The following EPHA3 variants were observed in gnomAD, a reference collection of about 807,000 sequenced individuals.
The protein encoded by EPHA3 is ephrin type-A receptor 3.
Under a neutral mutation model 107.1 loss-of-function variants are expected in EPHA3, and 42 were observed. That is an observed-to-expected ratio of 0.39 (90% CI 0.31 to 0.51). The LOEUF is 0.51. Ranked by LOEUF, EPHA3 falls within the 20% of genes least tolerant of loss-of-function variation. The pLI is 0.78. For missense variants in EPHA3, 1,183 were observed against 1,211.2 expected, an observed-to-expected ratio of 0.98 and a Z score of 0.35; for synonymous variants, 461 against 424.8, an observed-to-expected ratio of 1.09 and a Z score of -1.05.
At chr3:89,195,260 C>T (rs1348490075) in intron 2 of EPHA3, among the ~76,000 whole-genome samples, 2 of 152,062 alleles carry the variant, frequency 1.3e-5, no homozygotes, top group African/African-American at 4.8e-5. Context: ...GCTCTTTCTG[C>T]TCATAACGTT....
intron 3 of EPHA3, among the ~76,000 whole-genome samples, chr3:89,312,968 C>T (rs1215533440): frequency 6.6e-6 from 1 of 151,964 alleles, no homozygotes; most frequent in Non-Finnish European, 1.5e-5. Flanking sequence ...ACCACATCTT[C>T]TTTATCTGGT....
chr3:89,349,463 T>G (rs1239879199), intron 5 of EPHA3, among the ~76,000 whole-genome samples: 58 of 147,340 alleles, frequency 3.9e-4, no homozygotes, highest in African/African-American at 1.0e-3. Context: ...GTTTTCCATT[T>G]GCTTGGTAGA....
intron 3 of EPHA3, among the ~76,000 whole-genome samples, chr3:89,338,662 C>T (rs1248291824): frequency 6.6e-6 from 1 of 152,214 alleles, no homozygotes; most frequent in African/African-American, 2.4e-5. Context: ...CATTCTCCTG[C>T]CTCAGCCTCC....
At chr3:89,297,966 C>T (rs1270573548) in intron 3 of EPHA3, among the ~76,000 whole-genome samples, 1 of 151,988 alleles carries the variant, frequency 6.6e-6, no homozygotes, top group Non-Finnish European at 1.5e-5. Context: ...ACCTGGGAGG[C>T]GGAGGTTGCA....
At chr3:89,308,686 A>C (rs1706691020) in intron 3 of EPHA3, among the ~76,000 whole-genome samples, 1 of 152,064 alleles carries the variant, frequency 6.6e-6, no homozygotes, top group Admixed American at 6.6e-5. Context: ...AAACATTATA[A>C]ATCCTCACCT....
chr3:89,428,476 T>A (rs1284334170), intron 11 of EPHA3, among the ~76,000 whole-genome samples: 1 of 152,126 alleles, frequency 6.6e-6, no homozygotes, highest in Non-Finnish European at 1.5e-5. Context: ...TTACTGCCAA[T>A]AGCAATTTTA....
intron 2 of EPHA3, among the ~76,000 whole-genome samples, chr3:89,152,108 CAT>C (rs1168658511): frequency 2.6e-5 from 4 of 152,056 alleles, no homozygotes; most frequent in African/African-American, 9.7e-5. Context: ...TATTTGGACG[CAT>C]ATTTTAATTC....
intron 5 of EPHA3, among the ~76,000 whole-genome samples, chr3:89,392,310 G>A (rs569217233): frequency 8.6e-5 from 13 of 151,964 alleles, no homozygotes; most frequent in East Asian, 5.8e-4. Flanking sequence ...GTGGTGGCAC[G>A]CATCTGTAAT....
intron 2 of EPHA3, among the ~76,000 whole-genome samples, chr3:89,162,907 C>T (rs1243726508): frequency 6.6e-6 from 1 of 152,222 alleles, no homozygotes; most frequent in Non-Finnish European, 1.5e-5. Context: ...CTGCTGACAG[C>T]ATCCCAGCAG....
chr3:89,445,343 T>G (rs1030236312), intron 13 of EPHA3, among the ~76,000 whole-genome samples: 7 of 152,296 alleles, frequency 4.6e-5, no homozygotes, highest in South Asian at 2.1e-4. Flanking sequence ...CAGCTCTTCT[T>G]TTAGACTGAG....
chr3:89,134,758 C>T (rs761613503), intron 2 of EPHA3, among the ~76,000 whole-genome samples: 26 of 152,124 alleles, frequency 1.7e-4, no homozygotes, highest in Non-Finnish European at 3.1e-4. Context: ...ACTGGACCTT[C>T]ATTAGCAGTT....
At chr3:89,310,298 G>A (rs116106400) in intron 3 of EPHA3, among the ~76,000 whole-genome samples, 1,744 of 152,040 alleles carry the variant, frequency 0.011, 20 homozygotes, top group African/African-American at 0.038. Flanking sequence ...AGCTTTAAAG[G>A]AAAAATAGAA....
chr3:89,247,413 G>C (rs560261703), intron 3 of EPHA3, among the ~76,000 whole-genome samples: 1 of 152,138 alleles, frequency 6.6e-6, no homozygotes, highest in South Asian at 2.1e-4. Context: ...TTAAGCAAGG[G>C]AAGTATTTGG....
At chr3:89,315,825 A>C (rs904755658) in intron 3 of EPHA3, among the ~76,000 whole-genome samples, 1 of 151,890 alleles carries the variant, frequency 6.6e-6, no homozygotes, top group Non-Finnish European at 1.5e-5. Context: ...TTATTTCAGA[A>C]TGTCAAATTT....
At chr3:89,337,718 A>C (rs1201378555) in intron 3 of EPHA3, among the ~76,000 whole-genome samples, 1 of 152,186 alleles carries the variant, frequency 6.6e-6, no homozygotes, top group African/African-American at 2.4e-5. Flanking sequence ...TGTGATTTCT[A>C]AGGATCTTTT....
At chr3:89,239,889 A>T (rs1397034220) in intron 3 of EPHA3, among the ~76,000 whole-genome samples, 1 of 152,170 alleles carries the variant, frequency 6.6e-6, no homozygotes, top group Non-Finnish European at 1.5e-5. Flanking sequence ...GTAGTGCAAA[A>T]TTAAAAATTA....
chr3:89,113,404 T>G (rs928680781), intron 1 of EPHA3, among the ~76,000 whole-genome samples: 7 of 142,408 alleles, frequency 4.9e-5, no homozygotes, highest in African/African-American at 1.8e-4. Context: ...CAGGTAGTTC[T>G]TGGAACCTGG....
intron 3 of EPHA3, among the ~76,000 whole-genome samples, chr3:89,211,488 C>T (rs1204999447): frequency 6.6e-6 from 1 of 152,054 alleles, no homozygotes; most frequent in Non-Finnish European, 1.5e-5. Flanking sequence ...TGCTGTTACA[C>T]TCTGTCAAGT....
intron 3 of EPHA3, among the ~76,000 whole-genome samples, chr3:89,250,206 C>T (rs1705128813): frequency 6.6e-6 from 1 of 152,196 alleles, no homozygotes; most frequent in African/African-American, 2.4e-5. Context: ...CAACATTCTC[C>T]TTATCAAATC....
Sources: allele counts gnomAD v4.1 joint callset (sites outside exome capture counted in the v4.1 genomes callset), GRCh38; gene constraint gnomAD v4.1.1; transcripts MANE v1.5; gene names NCBI Gene and HGNC (gene_info 2026-07-23, HGNC 2026-07-21).